The following TENM1 variants were observed in gnomAD, a reference collection of about 807,000 sequenced individuals.
The protein encoded by TENM1 is teneurin-1.
Under a neutral mutation model 174.8 loss-of-function variants are expected in TENM1, and 35 were observed. The ratio of observed to expected loss-of-function variants is 0.20; its 90% CI spans 0.15 to 0.27. The LOEUF (loss-of-function observed/expected upper bound fraction) is 0.27, where lower values mean the gene tolerates loss of function less well. TENM1 is among the 10% of genes least tolerant of loss of function. TENM1 has a pLI of 1.00. For synonymous variants in TENM1, 781 were observed against 798.7 expected (o/e 0.98, Z 0.37); for missense variants, 1,633 against 2,130.1 (o/e 0.77, Z 4.59).
chrX:124,578,249 T>C (rs1232463419), intron 11 of TENM1, among the ~76,000 whole-genome samples: 2 of 112,043 alleles, frequency 1.8e-5, no homozygotes, highest in Non-Finnish European at 3.8e-5. Flanking sequence ...TTTTTGTTAA[T>C]ATCGTGATAA....
At chrX:125,077,299 T>G in the TENM1 span, among the ~76,000 whole-genome samples, 1 of 111,205 alleles carries the variant, frequency 9.0e-6, no homozygotes, top group African/African-American at 3.3e-5. Flanking sequence ...TATATACAGT[T>G]AATAATAGAT....
chrX:124,477,057 G>A (rs960019451), intron 22 of TENM1, among the ~76,000 whole-genome samples: 26 of 112,443 alleles, frequency 2.3e-4, no homozygotes, highest in African/African-American at 8.4e-4. Context: ...GAAGTACCCA[G>A]AGGCTATCAC....
chrX:124,777,057 A>C (rs1264642236), intron 3 of TENM1, among the ~76,000 whole-genome samples: 1 of 111,540 alleles, frequency 9.0e-6, no homozygotes, highest in Non-Finnish European at 1.9e-5. Flanking sequence ...AGGGTTCTGC[A>C]AATTAATTCT....
intron 3 of TENM1, among the ~76,000 whole-genome samples, chrX:124,881,422 T>C (rs1002445069): frequency 9.1e-6 from 1 of 109,880 alleles, no homozygotes; most frequent in South Asian, 3.8e-4. Context: ...TCTACTCTCT[T>C]TTTTTTTGGT....
At chrX:124,714,443 C>T (rs2053132995) in intron 4 of TENM1, among the ~76,000 whole-genome samples, 1 of 112,013 alleles carries the variant, frequency 8.9e-6, no homozygotes, top group South Asian at 3.7e-4. Context: ...TTCACCTGGT[C>T]ATCTGATATT....
chrX:125,046,022 A>T, the TENM1 span, among the ~76,000 whole-genome samples: 2 of 110,310 alleles, frequency 1.8e-5, no homozygotes, highest in Non-Finnish European at 3.8e-5. Context: ...GTTTGGGAAA[A>T]GCAAAATATT....
At chrX:124,691,880 G>A (rs2052533266) in intron 5 of TENM1, among the ~76,000 whole-genome samples, 1 of 110,431 alleles carries the variant, frequency 9.1e-6, no homozygotes, top group African/African-American at 3.3e-5. Context: ...TTTAACATGT[G>A]GTGTGTTCGT....
At chrX:124,522,465 G>A (rs1300705138) in intron 17 of TENM1, among the ~76,000 whole-genome samples, 2 of 110,719 alleles carry the variant, frequency 1.8e-5, no homozygotes, top group Admixed American at 1.9e-4. Context: ...AATATTGAAT[G>A]TTCAATAAAG....
chrX:124,575,691 T>C (rs1333530814), intron 11 of TENM1, among the ~76,000 whole-genome samples: 1 of 112,453 alleles, frequency 8.9e-6, no homozygotes, highest in Non-Finnish European at 1.9e-5. Context: ...GAAAAATCCA[T>C]GCCTGACTTA....
intron 3 of TENM1, among the ~76,000 whole-genome samples, chrX:124,854,622 C>A (rs2056781256): frequency 8.9e-6 from 1 of 111,850 alleles, no homozygotes; most frequent in African/African-American, 3.2e-5. Flanking sequence ...TAGTATCATT[C>A]TTTTGGCTTA....
chrX:125,085,757 T>C, the TENM1 span, among the ~76,000 whole-genome samples: 2 of 111,162 alleles, frequency 1.8e-5, no homozygotes, highest in Admixed American at 1.9e-4. Flanking sequence ...CATTAGGCTT[T>C]TGTTATATAT....
At chrX:124,446,261 A>T (rs866763847) in intron 23 of TENM1, among the ~76,000 whole-genome samples, 4 of 112,467 alleles carry the variant, frequency 3.6e-5, no homozygotes, top group South Asian at 3.7e-4. Flanking sequence ...TCTTAGTTAT[A>T]TCACTCAATA....
chrX:124,980,553 T>C, the TENM1 span, among the ~76,000 whole-genome samples: 24,874 of 110,197 alleles, frequency 0.23, 2,156 homozygotes, highest in Non-Finnish European at 0.27. Flanking sequence ...GGATAGTATC[T>C]GATGATGTAG....
At chrX:124,754,632 T>C (rs2054178201) in intron 3 of TENM1, among the ~76,000 whole-genome samples, 1 of 110,982 alleles carries the variant, frequency 9.0e-6, no homozygotes, top group Admixed American at 9.6e-5. Context: ...TTTAGTGCTA[T>C]AAATTTCCGT....
chrX:125,045,710 G>A, the TENM1 span, among the ~76,000 whole-genome samples: 1 of 111,476 alleles, frequency 9.0e-6, no homozygotes, highest in Non-Finnish European at 1.9e-5. Flanking sequence ...CTTCAGTGCA[G>A]GTAGAAAATA....
the TENM1 span, among the ~76,000 whole-genome samples, chrX:125,119,435 T>A: frequency 1.0e-5 from 1 of 97,281 alleles, no homozygotes; most frequent in African/African-American, 4.5e-5. Context: ...AAAAAACAAT[T>A]CTTGTTATTT....
chrX:125,190,303 A>C, the TENM1 span, among the ~76,000 whole-genome samples: 1 of 112,475 alleles, frequency 8.9e-6, no homozygotes, highest in African/African-American at 3.2e-5. Flanking sequence ...TTTCCATTAG[A>C]GGTGACTGTG....
At chrX:124,380,715 G>T (rs1254629081) in exon 32 of TENM1, 2 of 1,209,441 alleles carry the variant, frequency 1.7e-6, no homozygotes, top group South Asian at 3.5e-5. Flanking sequence ...TCCCCCTCTT[G>T]CAGCCTTCTT....
At chrX:124,785,537 CAATACTTTGACCA>C (rs1156257463) in intron 3 of TENM1, among the ~76,000 whole-genome samples, 4 of 111,991 alleles carry the variant, frequency 3.6e-5, no homozygotes, top group South Asian at 3.7e-4. Context: ...CAACAGGAAA[CAATACTTTGACCA>C]AATACTTTGA....
Sources: gnomAD v4.1 joint callset for allele counts (sites outside exome capture counted in the v4.1 genomes callset) on GRCh38, gnomAD v4.1.1 for gene constraint, MANE v1.5 for transcripts, NCBI Gene and HGNC (gene_info 2026-07-23, HGNC 2026-07-21) for gene names.